KMT2A: variants seen among roughly 807,000 people sequenced by gnomAD.
KMT2A encodes the protein histone-lysine N-methyltransferase 2A.
In KMT2A, 16 loss-of-function variants were observed where a neutral mutation model predicts 345.3. The ratio of observed to expected loss-of-function variants is 0.05; its 90% CI spans 0.03 to 0.07. The LOEUF is 0.07. Among genes scored for constraint, KMT2A ranks in the 10% least tolerant of loss-of-function variants. The pLI is 1.00. For missense variants in KMT2A, 3,272 were observed against 4,841.6 expected (o/e 0.68, Z 9.62); for synonymous variants, 1,599 against 1,778.6 (o/e 0.90, Z 2.54).
intron 22 of KMT2A, 24 bp from the exon 23 acceptor site, chr11:118,499,279 C>A (rs1183694185): frequency 2.1e-6 from 3 of 1,449,004 alleles, no homozygotes; most frequent in Admixed American, 3.3e-5. Flanking sequence ...AGCCTATTAA[C>A]AGCTACCATG....
intron 15 of KMT2A, among the ~76,000 whole-genome samples, chr11:118,492,649 A>G (rs1950344152): frequency 2.0e-5 from 3 of 152,254 alleles, no homozygotes; most frequent in African/African-American, 7.2e-5. Flanking sequence ...ACTGCACTCA[A>G]GCCTGGGTGA....
intron 31 of KMT2A, among the ~76,000 whole-genome samples, chr11:118,518,870 G>A (rs1357976937): frequency 6.6e-6 from 1 of 150,820 alleles, no homozygotes; most frequent in Non-Finnish European, 1.5e-5. Context: ...GAGGTCAGGA[G>A]ATCGAGACCA....
chr11:118,455,985 A>G (rs1312347389), intron 1 of KMT2A, among the ~76,000 whole-genome samples: 1 of 151,960 alleles, frequency 6.6e-6, no homozygotes, highest in African/African-American at 2.4e-5. Context: ...CACTGTGCCC[A>G]GCCTTGGCTA....
At position 118,494,612 on chromosome 11, in the gene KMT2A, C is replaced by A; in HGVS notation, c.5290-82C>A. 2 of 1,241,640 alleles carry A rather than the reference C, an allele frequency of 1.6e-6. No individual in the cohort carries two copies. The highest frequency in any genetic ancestry group is 2.3e-6 in the Non-Finnish European group (2 of 862,792). 76.9% of individuals were successfully genotyped at this position (1,241,640 alleles called of 1,614,324 possible). ...TGGCCTGAAATTATCCTCGTATTAACAGAGAAGCTGGTTTGAAGATTTTTC... is the reference window on the plus strand; with the variant it reads ...TGGCCTGAAATTATCCTCGTATTAAAAGAGAAGCTGGTTTGAAGATTTTTC... On this transcript the variant is annotated intron_variant, in intron 17 of 35. Coordinates refer to ENST00000534358, the MANE Select transcript of KMT2A (RefSeq NM_001197104.2). This position sits in a 1 kb window ranked among gnomAD's most constrained non-coding sequence, Gnocchi z 5.8.
Position 118,495,860 on chromosome 11 carries a change from ACTC to A in KMT2A, c.5528_5530del (p.Pro1843del). ...AGGTCCTGGAGAACCAGACTCACCA[ACTC>A]CTCTGCATCCTCCTACACCACCAAT... On this transcript the variant is annotated inframe_deletion, in exon 19 of 36. Coordinates refer to ENST00000534358, the MANE Select transcript of KMT2A (RefSeq NM_001197104.2). This position sits in a 1 kb window ranked among gnomAD's most constrained non-coding sequence, Gnocchi z 4.1. 6.2e-7 allele frequency: 1 copy of A among 1,613,688 alleles called. No individual in the cohort carries two copies. The highest frequency in any genetic ancestry group is 1.3e-5 in the African/African-American group (1 of 74,946).
chr11:118,488,041 G>A (rs1181484051), intron 10 of KMT2A, among the ~76,000 whole-genome samples: 1 of 152,170 alleles, frequency 6.6e-6, no homozygotes, highest in Non-Finnish European at 1.5e-5. Flanking sequence ...TTAGCCAGGT[G>A]TGGTGGCACG....
Position 118,491,660 on chromosome 11 carries a change from A to G in KMT2A, c.4820-84A>G. The G allele has an allele frequency of 1.9e-6, 2 of 1,062,674 alleles. No individual in the cohort carries two copies. The allele number at this position is 1,062,674 out of a possible 1,614,324, so 65.8% of individuals were successfully genotyped here. A position where few individuals can be genotyped will look rare whatever the true frequency, so the allele number is the denominator to read the frequency against. ...TGTGGTTCCCAACATATGGCTTTATAGTAAGTTCAGTGGAATAGTTTCCTC... is the reference window on the plus strand; with the variant it reads ...TGTGGTTCCCAACATATGGCTTTATGGTAAGTTCAGTGGAATAGTTTCCTC... On this transcript the variant is annotated intron_variant, in intron 14 of 35. Transcript: ENST00000534358. The surrounding 1 kb of genome is among the most constrained non-coding windows in gnomAD (Gnocchi z 4.2).
rs1949992868 is a variant in KMT2A, at chr11:118,474,145, T to C, written c.2986T>C (p.Ser996Pro). 1 of 1,614,202 alleles carries C rather than the reference T, an allele frequency of 6.2e-7. No individual in the cohort carries two copies. Reference protein sequence around the residue: ...EKTLCLSTPSSSTVKHSTSSI... With the variant: ...EKTLCLSTPSPSTVKHSTSSI... ...AACCCTCTGCCTTTCCACTCCTTCA[T>C]CTAGCACTGTTAAACATTCCACTTC... The change falls in exon 3 of 36, where the codon TCT (serine) becomes CCT (proline). Residue 996 changes from serine (S) to proline (P), a missense_variant. Ser to Pro is a moderately conservative substitution (Grantham distance 74, BLOSUM62 -1). Transcript: ENST00000534358.
In KMT2A at chr11:118,472,239, T is replaced by C. The variant is rs782621598; in HGVS notation, c.1080T>C (p.Ile360=). 1 of 1,614,048 alleles carries C rather than the reference T, an allele frequency of 6.2e-7. No individual in the cohort carries two copies. The highest frequency in any genetic ancestry group is 1.1e-5 in the South Asian group (1 of 91,082). ...CTCGAAGGATTAAGCCAGTTAGGATTATTCCTTCTTCAAAAAGGACAGATG... is the reference window on the plus strand; with the variant it reads ...CTCGAAGGATTAAGCCAGTTAGGATCATTCCTTCTTCAAAAAGGACAGATG... ...QSPRRIKPVR[I]IPSSKRTDAT... Residue 360 remains isoleucine (I), a synonymous_variant, in exon 3 of 36, where the codon ATT becomes ATC. Coordinates refer to ENST00000534358, the MANE Select transcript of KMT2A (RefSeq NM_001197104.2).
Position 118,492,077 on chromosome 11 carries a change from G to A in KMT2A, c.5004+149G>A. The A allele has an allele frequency of 8.1e-6, 5 of 619,620 alleles. No homozygotes were observed. In the South Asian group the frequency reaches 1.0e-4, roughly 13 times the overall value. The allele number at this position is 619,620 out of a possible 1,614,324, so 38.4% of individuals were successfully genotyped here. On this transcript the variant is annotated intron_variant, in intron 15 of 35. Transcript: ENST00000534358. ...AGGAAAATATTTAGAGCCAAGAATA[G>A]GACCTTCTTTAGCGTAAGAAATAGG...
At chr11:118,486,670 C>G (rs1483661696) in intron 10 of KMT2A, among the ~76,000 whole-genome samples, 1 of 151,802 alleles carries the variant, frequency 6.6e-6, no homozygotes, top group Non-Finnish European at 1.5e-5. Flanking sequence ...CTCAGGAGTT[C>G]AAGACCAGCC....
intron 11 of KMT2A, among the ~76,000 whole-genome samples, chr11:118,489,077 G>A (rs1950281357): frequency 6.6e-6 from 1 of 151,868 alleles, no homozygotes; most frequent in Non-Finnish European, 1.5e-5. Flanking sequence ...CAAAAAATTA[G>A]CCAGGTGTGG....
chr11:118,521,152 T>C lies in KMT2A; in HGVS notation c.11514-136T>C. 1.0e-6 allele frequency: 1 copy of C among 964,410 alleles called. No homozygotes were observed. 59.7% of individuals were successfully genotyped at this position (964,410 alleles called of 1,614,324 possible). On this transcript the variant is annotated intron_variant, in intron 34 of 35. Transcript: ENST00000534358. This position sits in a 1 kb window ranked among gnomAD's most constrained non-coding sequence, Gnocchi z 5.3. Reference sequence around the variant, plus strand: ...CCATGTGTTAGATGGCCAAATCAAGTGGGTCCAAATTTTTATTTTCTCAAG... The same window carrying C: ...CCATGTGTTAGATGGCCAAATCAAGCGGGTCCAAATTTTTATTTTCTCAAG...
rs537975 is a variant in KMT2A, at chr11:118,492,154, T to C, written c.5004+226T>C. ...CTGTTACAATGAGAAATTTGGACTT[T>C]ATACTCTGAAGGTGATAGGGAGCCA... On this transcript the variant is annotated intron_variant, in intron 15 of 35. Coordinates refer to ENST00000534358, the MANE Select transcript of KMT2A (RefSeq NM_001197104.2). 0.72 allele frequency among the ~76,000 whole-genome samples: 109,605 copies of C among 152,070 alleles called. 40,744 individuals are homozygous for C. Among genetic ancestry groups the C allele is most frequent in the Admixed American group, 0.85 (12,934 of 15,276 alleles).
chr11:118,483,260 C>T (rs1178031931), intron 8 of KMT2A, among the ~76,000 whole-genome samples: 40 of 150,170 alleles, frequency 2.7e-4, no homozygotes, highest in African/African-American at 7.8e-4. Context: ...TAGCCGGGCA[C>T]GGTGGCTCAC....
rs2134382048 is a variant in KMT2A at position 118,501,829 on chromosome 11, C to T, written c.6477C>T (p.Ser2159=). The T allele has an allele frequency of 5.0e-6, 8 of 1,613,450 alleles. No homozygotes were observed. The South Asian group carries it at 5.5e-5, about 11-fold the overall frequency. Residue 2159 remains serine, a synonymous_variant, in exon 26 of 36, where the codon TCC becomes TCT. Coordinates refer to ENST00000534358, the MANE Select transcript of KMT2A (RefSeq NM_001197104.2). ...CCAGTTATTCTCCAACACAGAGATC[C>T]CCTGGCTGTCGACCGTTGCCTTCTG... ...RTPSYSPTQR[S]PGCRPLPSAG...
In KMT2A at chr11:118,490,090, A is replaced by C; in HGVS notation, c.4576-39A>C. ...TTTTAGTTAAGTAAAGATATTAAAA[A>C]CAAGAAATTCCTATTGAATTTCTTT... On this transcript the variant is annotated intron_variant, in intron 12 of 35. Coordinates refer to ENST00000534358, the MANE Select transcript of KMT2A (RefSeq NM_001197104.2). This position sits in a 1 kb window ranked among gnomAD's most constrained non-coding sequence, Gnocchi z 4.2. 6.3e-7 allele frequency: 1 copy of C among 1,584,778 alleles called. No individual in the cohort carries two copies. Among genetic ancestry groups the C allele is most frequent in the East Asian group, 2.2e-5 (1 of 44,572 alleles).
intron 1 of KMT2A, chr11:118,450,712 A>T (rs1463958771): frequency 6.6e-6 from 1 of 152,194 alleles, no homozygotes; most frequent in Non-Finnish European, 1.5e-5. Flanking sequence ...CCTATCTGTT[A>T]TGCATTCAAA....
chr11:118,501,782 A>G lies in KMT2A; in HGVS notation c.6430A>G (p.Lys2144Glu). The G allele has an allele frequency of 1.9e-6, 3 of 1,614,064 alleles. No homozygotes were observed. Among genetic ancestry groups the G allele is most frequent in the Non-Finnish European group, 2.5e-6 (3 of 1,179,978 alleles). ...CTCCTGTTATTATCATGTCATCTCA[A>G]AGGTCCCCAGGATTCGAACACCCAG... is the stretch of plus-strand genomic sequence containing the variant. ...SGSCYYHVISKVPRIRTPSYS... is the reference protein window; with the variant it reads ...SGSCYYHVISEVPRIRTPSYS... Residue 2144 changes from lysine (K) to glutamate (E), a missense_variant, in exon 26 of 36, where the codon AAG becomes GAG. Physicochemically the swap from Lys to Glu is moderately conservative, Grantham distance 56. Around this residue, in one of 27 missense-constraint regions of KMT2A, gnomAD observed 66 missense variants for 73.9 expected, o/e 0.89. Coordinates refer to ENST00000534358, the MANE Select transcript of KMT2A (RefSeq NM_001197104.2).
Sources: allele counts gnomAD v4.1 joint callset (sites outside exome capture counted in the v4.1 genomes callset), GRCh38; gene constraint gnomAD v4.1.1; regional missense constraint gnomAD v4.1.1; non-coding constraint Gnocchi (gnomAD v3.1); transcripts MANE v1.5; gene names NCBI Gene and HGNC (gene_info 2026-07-23, HGNC 2026-07-21).